The following MCTP2 variants were observed in gnomAD, a reference collection of about 807,000 sequenced individuals.
MCTP2 encodes the protein multiple C2 and transmembrane domain containing 2, also known as multiple C2 and transmembrane domain-containing protein 2.
MCTP2 carries 132 observed loss-of-function variants against 111.6 expected under a neutral mutation model. The ratio of observed to expected loss-of-function variants is 1.18; its 90% CI spans 1.03 to 1.37. MCTP2 has a LOEUF of 1.37. MCTP2 is among the 40% of genes most tolerant of loss of function. The pLI is 0.00. For missense variants in MCTP2, 1,183 were observed against 1,067.9 expected (o/e 1.11, Z -1.50); for synonymous variants, 395 against 387.7 (o/e 1.02, Z -0.22).
intron 17 of MCTP2, among the ~76,000 whole-genome samples, chr15:94,413,891 G>T (rs553842966): frequency 3.2e-4 from 48 of 152,150 alleles, no homozygotes; most frequent in African/African-American, 1.1e-3. Flanking sequence ...GCTAGTTAAG[G>T]TTCAAGAGTT....
chr15:94,255,177 G>T (rs1455761), intron 1 of MCTP2, among the ~76,000 whole-genome samples: 77,399 of 152,006 alleles, frequency 0.51, 19,954 homozygotes, highest in Middle Eastern at 0.61. Flanking sequence ...ACCCCAATTA[G>T]TTTATGAGAT....
At chr15:94,471,720 T>G (rs1227326063) in intron 21 of MCTP2, among the ~76,000 whole-genome samples, 2 of 141,972 alleles carry the variant, frequency 1.4e-5, no homozygotes, top group African/African-American at 2.6e-5. Flanking sequence ...AGAGAGAACA[T>G]AGAGCTCTTC....
At chr15:94,238,181 A>G (rs1354039451) in intron 1 of MCTP2, among the ~76,000 whole-genome samples, 2 of 152,198 alleles carry the variant, frequency 1.3e-5, no homozygotes, top group Non-Finnish European at 2.9e-5. Context: ...AATATTTTAC[A>G]GAGTTTGACT....
At chr15:94,276,067 A>G (rs1230238789) in intron 1 of MCTP2, among the ~76,000 whole-genome samples, 1 of 151,974 alleles carries the variant, frequency 6.6e-6, no homozygotes, top group Non-Finnish European at 1.5e-5. Context: ...GATGGTCTTG[A>G]TCTCCTGACC....
At chr15:94,430,609 G>A (rs948431776) in intron 17 of MCTP2, among the ~76,000 whole-genome samples, 12 of 150,064 alleles carry the variant, frequency 8.0e-5, no homozygotes, top group Middle Eastern at 3.4e-3. Flanking sequence ...TTAGCTGGGC[G>A]TCGTGGTGGG....
intron 2 of MCTP2, among the ~76,000 whole-genome samples, chr15:94,306,473 C>G (rs1047131652): frequency 6.6e-6 from 1 of 152,074 alleles, no homozygotes; most frequent in African/African-American, 2.4e-5. Flanking sequence ...GGACTGTGCG[C>G]AGAACTGTGG....
intron 1 of MCTP2, among the ~76,000 whole-genome samples, chr15:94,296,744 T>C (rs941139285): frequency 5.9e-5 from 9 of 152,194 alleles, no homozygotes; most frequent in Non-Finnish European, 1.0e-4. Context: ...TGAAGTGACT[T>C]GCACCTGGTC....
intron 19 of MCTP2, among the ~76,000 whole-genome samples, chr15:94,448,907 G>T (rs2152518285): frequency 6.6e-6 from 1 of 152,312 alleles, no homozygotes; most frequent in East Asian, 1.9e-4. Context: ...TGGGCATGGT[G>T]GCGCACACCT....
intron 3 of MCTP2, among the ~76,000 whole-genome samples, 185 bp downstream of exon 3, chr15:94,314,529 T>C (rs1336276439): frequency 4.6e-5 from 7 of 152,176 alleles, no homozygotes; most frequent in Admixed American, 4.6e-4. Flanking sequence ...TCTATTGATT[T>C]GTCAGACTGG....
At chr15:94,309,472 A>C (rs2076032322) in intron 2 of MCTP2, among the ~76,000 whole-genome samples, 1 of 152,218 alleles carries the variant, frequency 6.6e-6, no homozygotes, top group Admixed American at 6.5e-5. Flanking sequence ...TCTGAAATGT[A>C]AACAAACAGT....
chr15:94,243,443 A>G (rs1269108972), intron 1 of MCTP2, among the ~76,000 whole-genome samples: 4 of 109,184 alleles, frequency 3.7e-5, no homozygotes, highest in South Asian at 3.0e-4. Flanking sequence ...GTACATACAT[A>G]CGTATGCGTA....
At chr15:94,326,824 C>G (rs1400891087) in intron 4 of MCTP2, among the ~76,000 whole-genome samples, 5 of 102,354 alleles carry the variant, frequency 4.9e-5, no homozygotes, top group Admixed American at 2.8e-4. Flanking sequence ...CCCCACCCCC[C>G]CCCAACCTCG....
In MCTP2 at chr15:94,482,607, T is replaced by C. The variant is rs2152551330; in HGVS notation, c.*3573T>C. The C allele has an allele frequency of 6.6e-6, 1 of 152,278 alleles. No individual in the cohort carries two copies. The highest frequency in any genetic ancestry group is 1.9e-4 in the East Asian group (1 of 5,182). The allele number at this position is 152,278 out of a possible 1,614,324, so 9.4% of individuals were successfully genotyped here. The stretch of plus-strand genomic sequence containing the variant: ...CCAAATAGGAATGTCAGCAAGGTAA[T>C]GGAATATATAGTTCTCAGAGAAGTA... On this transcript the variant is annotated 3_prime_UTR_variant, in exon 23 of 23. Transcript: ENST00000357742.
intron 13 of MCTP2, among the ~76,000 whole-genome samples, chr15:94,384,562 C>T (rs1489846481): frequency 6.6e-6 from 1 of 152,142 alleles, no homozygotes; most frequent in Non-Finnish European, 1.5e-5. Context: ...CGACCCATCC[C>T]ATAGTGATTC....
At position 94,260,152 on chromosome 15, in the gene MCTP2, T is replaced by C. The variant is rs150723331; in HGVS notation, c.-66+28488T>C. Among the ~76,000 whole-genome samples, 66 of 152,298 alleles carry C rather than the reference T, an allele frequency of 4.3e-4. No homozygotes were observed. The East Asian group carries it at 0.011, about 26-fold the overall frequency. On this transcript the variant is annotated intron_variant, in intron 1 of 22. Coordinates refer to ENST00000357742, the MANE Select transcript of MCTP2 (RefSeq NM_001385001.1). ...TTTTCTCTACCCAAGGAACCTTGAG[T>C]GCCTTTCCTGGGGATTCTGGCCACG...
intron 17 of MCTP2, among the ~76,000 whole-genome samples, chr15:94,424,474 C>T (rs1010850172): frequency 6.6e-6 from 1 of 152,172 alleles, no homozygotes; most frequent in African/African-American, 2.4e-5. Context: ...GGCCCCCCTC[C>T]AAATCTGCTG....
intron 1 of MCTP2, among the ~76,000 whole-genome samples, chr15:94,296,412 G>C (rs2075279957): frequency 6.6e-6 from 1 of 152,152 alleles, no homozygotes; most frequent in African/African-American, 2.4e-5. Flanking sequence ...CGCTAACATT[G>C]TATTAAACAT....
intron 1 of MCTP2, among the ~76,000 whole-genome samples, chr15:94,265,716 A>C (rs1042442728): frequency 1.3e-5 from 2 of 152,222 alleles, no homozygotes; most frequent in Admixed American, 1.3e-4. Flanking sequence ...TATATTATAT[A>C]AATTATCTTA....
chr15:94,379,911 AATATAATAT>A (rs2080032808), intron 12 of MCTP2, among the ~76,000 whole-genome samples: 3 of 147,186 alleles, frequency 2.0e-5, no homozygotes, highest in South Asian at 2.1e-4. Flanking sequence ...TATAATGTAT[AATATAATAT>A]ATATAATATA....
Sources: gnomAD v4.1 joint callset for allele counts (sites outside exome capture counted in the v4.1 genomes callset) on GRCh38, gnomAD v4.1.1 for gene constraint, MANE v1.5 for transcripts, NCBI Gene and HGNC (gene_info 2026-07-23, HGNC 2026-07-21) for gene names.